Variants in ZNF184 observed in about 807,000 individuals in gnomAD.
The protein encoded by ZNF184 is zinc finger protein 184, also known as zinc finger protein 184 (Kruppel-like).
ZNF184 carries 16 observed loss-of-function variants against 54.4 expected under a neutral mutation model. The observed-to-expected ratio is 0.29, with a 90% CI of 0.20 to 0.45. ZNF184 has a LOEUF of 0.45. ZNF184 is among the 20% of genes least tolerant of loss of function. The probability of loss-of-function intolerance (pLI) is 1.00; values close to 1 mark genes in which losing one functional copy is unlikely to be tolerated. For missense variants in ZNF184, 681 were observed against 888.2 expected, an observed-to-expected ratio of 0.77 and a Z score of 2.97; for synonymous variants, 254 against 295.3, an observed-to-expected ratio of 0.86 and a Z score of 1.43.
chr6:27,446,369 C>T (rs1454697160), downstream of ZNF184, among the ~76,000 whole-genome samples: 1 of 152,246 alleles, frequency 6.6e-6, no homozygotes, highest in Non-Finnish European at 1.5e-5. Flanking sequence ...AGCCATGGCT[C>T]ATTAGGCCCA....
chr6:27,406,568 C>A, the ZNF184 span: 4 of 152,448 alleles, frequency 2.6e-5, no homozygotes, highest in East Asian at 7.7e-4. Flanking sequence ...TATACTTCCA[C>A]CAACTGCAGC....
chr6:27,447,483 C>T (rs1056683756), downstream of ZNF184, among the ~76,000 whole-genome samples: 2 of 152,192 alleles, frequency 1.3e-5, no homozygotes, highest in Non-Finnish European at 2.9e-5. Context: ...GAGGCCGAGG[C>T]AGGCAGATCA....
intron 2 of ZNF184, among the ~76,000 whole-genome samples, chr6:27,470,263 C>T (rs777956908): frequency 7.4e-5 from 11 of 149,392 alleles, no homozygotes; most frequent in Non-Finnish European, 1.5e-4. Flanking sequence ...GTAGATAAAT[C>T]GAAAGAAAGA....
chr6:27,423,646 A>AAACAAAAC, the ZNF184 span, among the ~76,000 whole-genome samples: 77,299 of 151,464 alleles, frequency 0.51, 19,852 homozygotes, highest in Admixed American at 0.58. Context: ...CAAAAAAACA[A>AAACAAAAC]AAAACAAAAC....
chr6:27,458,295 T>TAAAAA (rs55966783), intron 3 of ZNF184, among the ~76,000 whole-genome samples: 119 of 62,354 alleles, frequency 1.9e-3, no homozygotes, highest in Admixed American at 2.1e-3. Flanking sequence ...TTCTGCACAG[T>TAAAAA]AAAAAAAAAA....
chr6:27,444,787 A>T, the ZNF184 span, among the ~76,000 whole-genome samples: 1 of 151,852 alleles, frequency 6.6e-6, no homozygotes, highest in Non-Finnish European at 1.5e-5. Flanking sequence ...TTATCTTACT[A>T]CCTCACATGC....
chr6:27,416,134 A>G, the ZNF184 span, among the ~76,000 whole-genome samples: 11 of 152,128 alleles, frequency 7.2e-5, no homozygotes, highest in Non-Finnish European at 1.6e-4. Context: ...CATCCTAATG[A>G]CCTCATCTTA....
chr6:27,457,829 T>C (rs1287787416), intron 3 of ZNF184, among the ~76,000 whole-genome samples: 1 of 152,108 alleles, frequency 6.6e-6, no homozygotes, highest in African/African-American at 2.4e-5. Flanking sequence ...CCTAATACAT[T>C]TCAAAAGATA....
the ZNF184 span, among the ~76,000 whole-genome samples, chr6:27,426,330 G>A: frequency 6.6e-5 from 10 of 152,278 alleles, no homozygotes; most frequent in Non-Finnish European, 8.8e-5. The surrounding 1 kb of genome is among the most constrained non-coding windows in gnomAD (Gnocchi z 4.2). Context: ...GAATCCCCAC[G>A]CCTGTGAGTG....
At position 27,472,311 on chromosome 6, in the gene ZNF184, G is replaced by C; in HGVS notation, c.-17C>G. Reference sequence around the variant, plus strand: ...ACCTTCCATCTCAGGAGCTCATCCCGTTCCTCTGGAACTTGAACACCAGGG... The same window carrying C: ...ACCTTCCATCTCAGGAGCTCATCCCCTTCCTCTGGAACTTGAACACCAGGG... On this transcript the variant is annotated 5_prime_UTR_variant, in exon 2 of 6. Transcript: ENST00000683788. The surrounding 1 kb of genome is among the most constrained non-coding windows in gnomAD (Gnocchi z 4.8). The C allele has an allele frequency of 1.2e-6, 2 of 1,613,866 alleles. No homozygotes were observed. Among genetic ancestry groups the C allele is most frequent in the Non-Finnish European group, 1.7e-6 (2 of 1,179,924 alleles).
At chr6:27,407,797 AT>A in the ZNF184 span, 1 of 778,122 alleles carries the variant, frequency 1.3e-6, no homozygotes, top group Non-Finnish European at 2.4e-6. Context: ...AAAATGCACG[AT>A]TATGATGGCA....
chr6:27,434,558 T>G, the ZNF184 span, among the ~76,000 whole-genome samples: 1 of 152,188 alleles, frequency 6.6e-6, no homozygotes, highest in Non-Finnish European at 1.5e-5. Flanking sequence ...TTCTGAATAT[T>G]AATCCCTTAT....
the ZNF184 span, among the ~76,000 whole-genome samples, chr6:27,442,812 G>GAGAAAGAAAGAAAGAA: frequency 2.3e-4 from 12 of 52,666 alleles, 1 homozygote; most frequent in East Asian, 1.2e-3. Flanking sequence ...GAGAAAGAAA[G>GAGAAAGAAAGAAAGAA]AGAAAGAAAG....
downstream of ZNF184, among the ~76,000 whole-genome samples, chr6:27,445,967 T>G (rs1277976455): frequency 6.6e-6 from 1 of 152,200 alleles, no homozygotes; most frequent in Non-Finnish European, 1.5e-5. Context: ...GTGGCTGTTT[T>G]TAACTGCATA....
the ZNF184 span, among the ~76,000 whole-genome samples, chr6:27,423,089 T>A: frequency 6.6e-6 from 1 of 152,232 alleles, no homozygotes; most frequent in Non-Finnish European, 1.5e-5. Context: ...TTGCGCTGCC[T>A]CTTGGATGCT....
At chr6:27,444,952 G>T in the ZNF184 span, among the ~76,000 whole-genome samples, 1 of 152,112 alleles carries the variant, frequency 6.6e-6, no homozygotes, top group East Asian at 1.9e-4. Flanking sequence ...AAATCACAAT[G>T]AAAACGTTGG....
At position 27,458,356 on chromosome 6, in the gene ZNF184, C is replaced by T. The variant is rs1762917578; in HGVS notation, c.76-947G>A. On this transcript the variant is annotated intron_variant, in intron 3 of 5. Transcript: ENST00000683788. ...AGTTCAAGACAACCTGCAGAAGGGG[C>T]AAAAATATTTGCAAACTATTCATCT... Among the ~76,000 whole-genome samples the T allele has an allele frequency of 3.1e-5, 4 of 130,518 alleles. No individual in the cohort carries two copies. In the Admixed American group the frequency reaches 3.1e-4, roughly 10 times the overall value. 85.6% of individuals were successfully genotyped at this position (130,518 alleles called of 152,430 possible).
At chr6:27,464,496 A>T (rs1241816090) in intron 3 of ZNF184, among the ~76,000 whole-genome samples, 1 of 152,226 alleles carries the variant, frequency 6.6e-6, no homozygotes, top group Non-Finnish European at 1.5e-5. Flanking sequence ...TAATAAGCTA[A>T]TGAAGGAGAT....
chr6:27,438,501 C>T, the ZNF184 span, among the ~76,000 whole-genome samples: 1 of 151,958 alleles, frequency 6.6e-6, no homozygotes, highest in Non-Finnish European at 1.5e-5. Context: ...TAGAAATGTC[C>T]AGTAGGCAGC....
Sources: allele counts gnomAD v4.1 joint callset (sites outside exome capture counted in the v4.1 genomes callset), GRCh38; gene constraint gnomAD v4.1.1; non-coding constraint Gnocchi (gnomAD v3.1); transcripts MANE v1.5; gene names NCBI Gene and HGNC (gene_info 2026-07-23, HGNC 2026-07-21).